The following VSX2 variants were observed in gnomAD, a reference collection of about 807,000 sequenced individuals.
The protein encoded by VSX2 is visual system homeobox 2, also known as ceh-10 homeo domain containing homolog.
In VSX2, 28 loss-of-function variants were observed where a neutral mutation model predicts 32.1. The observed-to-expected ratio is 0.87, with a 90% CI of 0.65 to 1.20. The LOEUF (loss-of-function observed/expected upper bound fraction) is 1.20, where lower values mean the gene tolerates loss of function less well. Among genes scored for constraint, VSX2 ranks in the 50% most tolerant of loss-of-function variants. The pLI, the probability that VSX2 is intolerant of heterozygous loss-of-function variation, is 0.00. For synonymous variants in VSX2, 243 were observed against 214.1 expected (o/e 1.14, Z -1.18); for missense variants, 506 against 488.7 (o/e 1.04, Z -0.33).
At chr14:74,259,142 C>T (rs1214434041) in intron 3 of VSX2, among the ~76,000 whole-genome samples, 1 of 152,176 alleles carries the variant, frequency 6.6e-6, no homozygotes, top group African/African-American at 2.4e-5. Flanking sequence ...CACCTGCAGC[C>T]CTCCTGGATG....
At chr14:74,249,727 T>C (rs1487122682) in intron 3 of VSX2, among the ~76,000 whole-genome samples, 4 of 152,118 alleles carry the variant, frequency 2.6e-5, no homozygotes, top group African/African-American at 7.2e-5. Flanking sequence ...GAGATAGACA[T>C]GAATGCCTCT....
intron 2 of VSX2, among the ~76,000 whole-genome samples, chr14:74,244,052 GT>G (rs1455892008): frequency 2.0e-5 from 3 of 152,160 alleles, no homozygotes; most frequent in Admixed American, 2.0e-4. Context: ...TGAAATTAAG[GT>G]TTGAAAAGAG....
chr14:74,260,629 T>G lies in VSX2; in HGVS notation c.796T>G (p.Ser266Ala), dbSNP rs1288183636. 1.7e-5 allele frequency: 28 copies of G among 1,607,024 alleles called. No individual in the cohort carries two copies. The highest frequency in any genetic ancestry group is 2.4e-5 in the Non-Finnish European group (28 of 1,177,460). Reference protein sequence around the residue: ...HKKSLEAAAESGRKPEGERQA... With the variant: ...HKKSLEAAAEAGRKPEGERQA... ...AAAGTCGCTGGAGGCAGCAGCCGAG[T>G]CGGGGAGGAAGCCCGAGGGGGAACG... Residue 266 changes from serine (S) to alanine (A), a missense_variant, in exon 5 of 5, where the codon TCG becomes GCG. Coordinates refer to ENST00000261980, the MANE Select transcript of VSX2 (RefSeq NM_182894.3).
intron 3 of VSX2, among the ~76,000 whole-genome samples, chr14:74,250,899 G>C (rs373814119): frequency 5.2e-4 from 79 of 151,270 alleles, no homozygotes; most frequent in African/African-American, 1.8e-3. Flanking sequence ...TGCCCGCCTC[G>C]GCCTCCCAAA....
intron 2 of VSX2, among the ~76,000 whole-genome samples, chr14:74,244,908 GTGTGTGTGTGTGT>G (rs2079175691): frequency 9.0e-6 from 1 of 111,508 alleles, no homozygotes; most frequent in Non-Finnish European, 1.9e-5. Context: ...GTGTGTGTGT[GTGTGTGTGTGTGT>G]GTGTGTGTGA....
In VSX2 at chr14:74,260,737, AG is replaced by A; in HGVS notation, c.907del (p.Glu303ArgfsTer126). 1 of 1,592,938 alleles carries A rather than the reference AG, an allele frequency of 6.3e-7. No individual in the cohort carries two copies. On this transcript the variant is annotated frameshift_variant, in exon 5 of 5. Transcript: ENST00000261980. LOFTEE classifies it high-confidence loss of function. Reference sequence around the variant, plus strand: ...GGCGGCCATCTCCCAGGAGGAACTGAGGGAGAACAGCATTGCGGTGCTCCGG... The same window carrying A: ...GGCGGCCATCTCCCAGGAGGAACTGAGGAGAACAGCATTGCGGTGCTCCGG... Reference protein sequence around the residue: ...AQAAISQEELRENSIAVLRAK... With the variant: ...AQAAISQEELXENSIAVLRAK...
chr14:74,241,787 C>T (rs1475025905), intron 2 of VSX2, among the ~76,000 whole-genome samples: 1 of 152,186 alleles, frequency 6.6e-6, no homozygotes, highest in Non-Finnish European at 1.5e-5. Context: ...TTTCTTTTGG[C>T]TTCTGCTCAT....
chr14:74,245,727 C>T (rs2079188177), intron 3 of VSX2, among the ~76,000 whole-genome samples: 1 of 151,792 alleles, frequency 6.6e-6, no homozygotes, highest in South Asian at 2.1e-4. Flanking sequence ...AGTCTGTTTC[C>T]CTCCCCTCTC....
At chr14:74,245,589 G>A (rs1023660747) in intron 3 of VSX2, among the ~76,000 whole-genome samples, 15 of 152,088 alleles carry the variant, frequency 9.9e-5, no homozygotes, top group South Asian at 2.1e-4. Flanking sequence ...AGGGGCCCCC[G>A]GTCCTGGGCA....
Position 74,260,851 on chromosome 14 carries a change from G to T in VSX2, c.1018G>T (p.Glu340Ter). The change falls in exon 5 of 5, where the codon GAG (glutamate) becomes TAG (stop). Residue 340 changes from glutamate to a stop codon, truncating the protein, a stop_gained. Coordinates refer to ENST00000261980, the MANE Select transcript of VSX2 (RefSeq NM_182894.3). LOFTEE classifies it high-confidence loss of function. Reference sequence around the variant, plus strand: ...CCGGAGTACCGAGAAGCCAGAGGAGGAGGAGGCCATGGATGAAGACAGGCC... The same window carrying T: ...CCGGAGTACCGAGAAGCCAGAGGAGTAGGAGGCCATGGATGAAGACAGGCC... Reference protein sequence around the residue: ...LARSTEKPEEEEAMDEDRPAE... With the variant: ...LARSTEKPEE 1 of 1,567,768 alleles carries T rather than the reference G, an allele frequency of 6.4e-7. No homozygotes were observed. The highest frequency in any genetic ancestry group is 8.6e-7 in the Non-Finnish European group (1 of 1,156,464).
chr14:74,242,063 G>T (rs541934752), intron 2 of VSX2, among the ~76,000 whole-genome samples: 146 of 55,094 alleles, frequency 2.7e-3, no homozygotes, highest in African/African-American at 9.4e-3. Context: ...TCCCACCCCC[G>T]CCCTCATTCC....
chr14:74,260,020 C>G (rs902393887), intron 4 of VSX2, among the ~76,000 whole-genome samples: 1 of 152,194 alleles, frequency 6.6e-6, no homozygotes, highest in Admixed American at 6.5e-5. Flanking sequence ...GAGTCCCTAA[C>G]TGTGGATTAT....
intron 4 of VSX2, 74 bp downstream of exon 4, chr14:74,259,856 C>T: frequency 1.3e-6 from 2 of 1,488,660 alleles, no homozygotes; most frequent in Non-Finnish European, 9.0e-7. Context: ...GGGGACAGAG[C>T]CTTGAGGCAG....
At chr14:74,258,449 G>A (rs1301678192) in intron 3 of VSX2, among the ~76,000 whole-genome samples, 1 of 152,136 alleles carries the variant, frequency 6.6e-6, no homozygotes, top group Non-Finnish European at 1.5e-5. Context: ...CAAGGAAATC[G>A]GGAGGAAATG....
At chr14:74,244,898 GTGT>G (rs2079174490) in intron 2 of VSX2, among the ~76,000 whole-genome samples, 1 of 83,156 alleles carries the variant, frequency 1.2e-5, no homozygotes, top group Non-Finnish European at 2.9e-5. Context: ...GTGTGTGTGT[GTGT>G]GTGTGTGTGT....
At chr14:74,244,613 G>A (rs142161015) in intron 2 of VSX2, among the ~76,000 whole-genome samples, 4 of 152,094 alleles carry the variant, frequency 2.6e-5, no homozygotes, top group Non-Finnish European at 4.4e-5. Context: ...GGCCCAGGAA[G>A]CTGGTCTGGG....
chr14:74,248,558 A>T (rs745920251), intron 3 of VSX2, among the ~76,000 whole-genome samples: 10 of 151,822 alleles, frequency 6.6e-5, no homozygotes, highest in Non-Finnish European at 1.3e-4. Context: ...GAGCATGGTG[A>T]TGTAAGCCTG....
rs1448149108 is a variant in VSX2 at position 74,239,657 on chromosome 14, C to A, written c.96C>A (p.Phe32Leu). 1 of 1,550,788 alleles carries A rather than the reference C, an allele frequency of 6.4e-7. No individual in the cohort carries two copies. Among genetic ancestry groups the A allele is most frequent in the South Asian group, 1.2e-5 (1 of 84,054 alleles). The change falls in exon 1 of 5, where the codon TTC becomes TTA. Residue 32 changes from phenylalanine (F) to leucine (L), a missense_variant. Phe to Leu is a conservative substitution (Grantham distance 22, BLOSUM62 0). Transcript: ENST00000261980. ...SGGAPARCTG[F>L]GIQEILGLNK... ...GCGCCCCGGCCAGGTGCACTGGGTT[C>A]GGCATCCAGGAGATCCTGGGCTTGA...
chr14:74,258,699 G>T (rs2079284010), intron 3 of VSX2, among the ~76,000 whole-genome samples: 1 of 152,166 alleles, frequency 6.6e-6, no homozygotes, highest in South Asian at 2.1e-4. Flanking sequence ...ACCAAGAAAT[G>T]TTCCCTCCTC....
Sources: gnomAD v4.1 joint callset for allele counts (sites outside exome capture counted in the v4.1 genomes callset) on GRCh38, gnomAD v4.1.1 for gene constraint, MANE v1.5 for transcripts, NCBI Gene and HGNC (gene_info 2026-07-23, HGNC 2026-07-21) for gene names.